Variants in FOXRED1 observed in about 807,000 individuals in gnomAD.
FOXRED1 encodes FAD-dependent oxidoreductase domain-containing protein 1.
Under a neutral mutation model 57.8 loss-of-function variants are expected in FOXRED1, and 52 were observed. The observed-to-expected ratio is 0.90, with a 90% CI of 0.72 to 1.13. FOXRED1 has a LOEUF of 1.13. Ranked by LOEUF, FOXRED1 falls within the 50% of genes most tolerant of loss-of-function variation. The pLI is 0.00. For missense variants in FOXRED1, 589 were observed against 625.2 expected (o/e 0.94, Z 0.62); for synonymous variants, 271 against 248.3 (o/e 1.09, Z -0.86).
rs1359196091 is a variant in FOXRED1, at chr11:126,271,424, C to T, written c.86-13C>T. ...GAAATGTTTGGCCCTCTGACCCTAA[C>T]TACATCCCACAGACTGGGATGGAAA... On this transcript the variant is annotated splice_polypyrimidine_tract_variant and intron_variant, in intron 1 of 10. Transcript: ENST00000263578. This position sits in a 1 kb window ranked among gnomAD's most constrained non-coding sequence, Gnocchi z 5.3. The T allele has an allele frequency of 1.3e-5, 20 of 1,595,272 alleles. No homozygotes were observed. Among genetic ancestry groups the T allele is most frequent in the Admixed American group, 1.7e-5 (1 of 59,982 alleles).
Position 126,272,008 on chromosome 11 carries a change from C to G in FOXRED1, c.306+351C>G. 3.1e-6 allele frequency: 1 copy of G among 326,130 alleles called. No individual in the cohort carries two copies. The highest frequency in any genetic ancestry group is 2.2e-5 in the African/African-American group (1 of 45,384). The allele number at this position is 326,130 out of a possible 1,614,324, so 20.2% of individuals were successfully genotyped here. On this transcript the variant is annotated intron_variant, in intron 2 of 10. Transcript: ENST00000263578. This position sits in a 1 kb window ranked among gnomAD's most constrained non-coding sequence, Gnocchi z 4.6. The stretch of plus-strand genomic sequence containing the variant: ...ACAGAGTCTTGCTCTGTCACCCAGG[C>G]TGGAGTGCAATGGCACAATCTCAGC...
chr11:126,270,242 T>C (rs1423482627), intron 1 of FOXRED1, among the ~76,000 whole-genome samples: 5 of 152,168 alleles, frequency 3.3e-5, no homozygotes, highest in African/African-American at 1.2e-4. Flanking sequence ...TGAAATGTAG[T>C]GTGGACAGGT....
Position 126,273,714 on chromosome 11 carries a change from A to G in FOXRED1, c.536+260A>G. 4 of 495,336 alleles carry G rather than the reference A, an allele frequency of 8.1e-6. No homozygotes were observed. Among genetic ancestry groups the G allele is most frequent in the Non-Finnish European group, 1.5e-5 (4 of 270,978 alleles). 30.7% of individuals were successfully genotyped at this position (495,336 alleles called of 1,614,324 possible). A position where few individuals can be genotyped will look rare whatever the true frequency, so the allele number is the denominator to read the frequency against. ...GAACACATCCCAGACCTAATAAACCAGAATCTCTAGGGAAGGAGCCCACAA... is the reference window on the plus strand; with the variant it reads ...GAACACATCCCAGACCTAATAAACCGGAATCTCTAGGGAAGGAGCCCACAA... On this transcript the variant is annotated intron_variant, in intron 4 of 10. Transcript: ENST00000263578. This position sits in a 1 kb window ranked among gnomAD's most constrained non-coding sequence, Gnocchi z 5.9.
Position 126,271,562 on chromosome 11 carries a change from G to T in FOXRED1, c.211G>T (p.Gly71Cys). ...GCACTCGGATGTGGTGATCGTGGGA[G>T]GTGGGGTGCTTGGCTTGTCTGTGGC... ...PEHSDVVIVG[G>C]GVLGLSVAYW... Residue 71 changes from glycine (G) to cysteine (C), a missense_variant, in exon 2 of 11, where the codon GGT becomes TGT. Coordinates refer to ENST00000263578, the MANE Select transcript of FOXRED1 (RefSeq NM_017547.4). This position sits in a 1 kb window ranked among gnomAD's most constrained non-coding sequence, Gnocchi z 5.3. The T allele has an allele frequency of 6.2e-7, 1 of 1,614,256 alleles. No individual in the cohort carries two copies. Among genetic ancestry groups the T allele is most frequent in the East Asian group, 2.2e-5 (1 of 44,888 alleles).
rs1413365318 is a variant in FOXRED1, at chr11:126,271,442, G to C, written c.91G>C (p.Asp31His). 3 of 1,612,702 alleles carry C rather than the reference G, an allele frequency of 1.9e-6. No individual in the cohort carries two copies. The highest frequency in any genetic ancestry group is 2.5e-6 in the Non-Finnish European group (3 of 1,178,858). The change falls in exon 2 of 11, where the codon GAT (aspartate) becomes CAT (histidine). Residue 31 changes from aspartate (D) to histidine (H), a missense_variant. Coordinates refer to ENST00000263578, the MANE Select transcript of FOXRED1 (RefSeq NM_017547.4). The surrounding 1 kb of genome is among the most constrained non-coding windows in gnomAD (Gnocchi z 5.3). Reference sequence around the variant, plus strand: ...ACCCTAACTACATCCCACAGACTGGGATGGAAAGGTGTCTGAGATTAAGAA... The same window carrying C: ...ACCCTAACTACATCCCACAGACTGGCATGGAAAGGTGTCTGAGATTAAGAA... ...TRRGGFSLDW[D>H]GKVSEIKKKI...
At chr11:126,276,757 T>G (rs1282166662) in intron 9 of FOXRED1, among the ~76,000 whole-genome samples, 1 of 151,514 alleles carries the variant, frequency 6.6e-6, no homozygotes, top group African/African-American at 2.4e-5. Flanking sequence ...GCGCCTGTAA[T>G]CCCAGCTACT....
At position 126,273,308 on chromosome 11, in the gene FOXRED1, T is replaced by G. The variant is rs878971256; in HGVS notation, c.418-28T>G. ...TCTTTCTGGCATCCTTAAGTCAGTT[T>G]CTTTCAGGAGCTTCTGTCTGCACAC... On this transcript the variant is annotated intron_variant, in intron 3 of 10. Coordinates refer to ENST00000263578, the MANE Select transcript of FOXRED1 (RefSeq NM_017547.4). The surrounding 1 kb of genome is among the most constrained non-coding windows in gnomAD (Gnocchi z 5.9). The G allele has an allele frequency of 1.3e-6, 2 of 1,536,550 alleles. No homozygotes were observed. The highest frequency in any genetic ancestry group is 2.2e-5 in the South Asian group (2 of 89,644).
At chr11:126,276,952 C>T (rs960801307) in intron 9 of FOXRED1, 119 bp from the exon 10 acceptor site, 7 of 756,194 alleles carry the variant, frequency 9.3e-6, no homozygotes, top group African/African-American at 1.7e-5. Context: ...AGAGCCCCCT[C>T]CAGATTTGAA....
In FOXRED1 at chr11:126,269,453, G is replaced by A. The variant is rs1183482899; in HGVS notation, c.85+162G>A. On this transcript the variant is annotated intron_variant, in intron 1 of 10. Coordinates refer to ENST00000263578, the MANE Select transcript of FOXRED1 (RefSeq NM_017547.4). ...ACCAGAGCTTGTAGGGGCTGTGCAG[G>A]TGTATGGCTCCCAAGGCGGCCCTTT... 4 of 1,391,532 alleles carry A rather than the reference G, an allele frequency of 2.9e-6. No homozygotes were observed. In the East Asian group the frequency reaches 7.5e-5, roughly 26 times the overall value. The allele number at this position is 1,391,532 out of a possible 1,614,324, so 86.2% of individuals were successfully genotyped here.
Position 126,277,512 on chromosome 11 carries a change from T to A in FOXRED1, c.1284T>A (p.Val428=). ...GCGTGGTGGGCCCCCACCCGCTAGTTGTCAACATGTACTTTGCTACTGGCT... is the reference window on the plus strand; with the variant it reads ...GCGTGGTGGGCCCCCACCCGCTAGTAGTCAACATGTACTTTGCTACTGGCT... ...QNGVVGPHPL[V]VNMYFATGFS... is the part of the protein sequence containing the mutation. Residue 428 remains valine, a synonymous_variant, in exon 11 of 11, where the codon GTT becomes GTA. Transcript: ENST00000263578. The surrounding 1 kb of genome is among the most constrained non-coding windows in gnomAD (Gnocchi z 6.8). 6.2e-7 allele frequency: 1 copy of A among 1,613,664 alleles called. No homozygotes were observed. The highest frequency in any genetic ancestry group is 8.5e-7 in the Non-Finnish European group (1 of 1,180,012).
At position 126,273,337 on chromosome 11, in the gene FOXRED1, A is replaced by G. The variant is rs1162647339; in HGVS notation, c.419A>G (p.Glu140Gly). ...FSASFLRNIN[E>G]YLAVVDAPPL... ...TCAGGAGCTTCTGTCTGCACACAGG[A>G]GTACCTGGCCGTAGTCGATGCTCCT... Residue 140 changes from glutamate to glycine, a missense_variant and splice_region_variant, in exon 4 of 11, where the codon GAG becomes GGG. Transcript: ENST00000263578. The surrounding 1 kb of genome is among the most constrained non-coding windows in gnomAD (Gnocchi z 5.9). 4 of 1,606,836 alleles carry G rather than the reference A, an allele frequency of 2.5e-6. No individual in the cohort carries two copies. The highest frequency in any genetic ancestry group is 4.5e-5 in the East Asian group (2 of 44,848).
chr11:126,272,211 C>G lies in FOXRED1; in HGVS notation c.306+554C>G, dbSNP rs1014158928. Among the ~76,000 whole-genome samples, 6 of 152,216 alleles carry G rather than the reference C, an allele frequency of 3.9e-5. No homozygotes were observed. Among genetic ancestry groups the G allele is most frequent in the African/African-American group, 7.2e-5 (3 of 41,450 alleles). ...TCCGAACCTCAAGTGATCTGCCCGC[C>G]TTGGCTTCTCAAAGTGCTGGGATTA... is the stretch of plus-strand genomic sequence containing the variant. On this transcript the variant is annotated intron_variant, in intron 2 of 10. Transcript: ENST00000263578. This position sits in a 1 kb window ranked among gnomAD's most constrained non-coding sequence, Gnocchi z 4.6.
chr11:126,273,608 T>C lies in FOXRED1; in HGVS notation c.536+154T>C, dbSNP rs1490692753. 1 of 693,086 alleles carries C rather than the reference T, an allele frequency of 1.4e-6. No homozygotes were observed. 42.9% of individuals were successfully genotyped at this position (693,086 alleles called of 1,614,324 possible). A position where few individuals can be genotyped will look rare whatever the true frequency, so the allele number is the denominator to read the frequency against. On this transcript the variant is annotated intron_variant, in intron 4 of 10. Transcript: ENST00000263578. This position sits in a 1 kb window ranked among gnomAD's most constrained non-coding sequence, Gnocchi z 5.9. ...AGGAAGAAAATACACAGACCTGCAA[T>C]GCCCTGGGAGTGCTGTACCACAGAT... is the stretch of plus-strand genomic sequence containing the variant.
chr11:126,272,085 C>T lies in FOXRED1; in HGVS notation c.306+428C>T, dbSNP rs942654989. Among the ~76,000 whole-genome samples, 1 of 151,952 alleles carries T rather than the reference C, an allele frequency of 6.6e-6. No individual in the cohort carries two copies. The highest frequency in any genetic ancestry group is 2.4e-5 in the African/African-American group (1 of 41,340). On this transcript the variant is annotated intron_variant, in intron 2 of 10. Coordinates refer to ENST00000263578, the MANE Select transcript of FOXRED1 (RefSeq NM_017547.4). The surrounding 1 kb of genome is among the most constrained non-coding windows in gnomAD (Gnocchi z 4.6). ...CAAGTGATTATCCCACCTCCGCCCCCTGAGTAGCTGAGATTACAGGGACAC... is the reference window on the plus strand; with the variant it reads ...CAAGTGATTATCCCACCTCCGCCCCTTGAGTAGCTGAGATTACAGGGACAC...
Position 126,271,743 on chromosome 11 carries a change from G to C in FOXRED1, c.306+86G>C. 3 of 1,109,808 alleles carry C rather than the reference G, an allele frequency of 2.7e-6. No individual in the cohort carries two copies. The South Asian group carries it at 3.8e-5, about 14-fold the overall frequency. The allele number at this position is 1,109,808 out of a possible 1,614,324, so 68.7% of individuals were successfully genotyped here. Reference sequence around the variant, plus strand: ...GGACTCTAGCGACAAGGGAAGGAGAGGAGGGGAAGACCTCAATCTCGGAGG... The same window carrying C: ...GGACTCTAGCGACAAGGGAAGGAGACGAGGGGAAGACCTCAATCTCGGAGG... On this transcript the variant is annotated intron_variant, in intron 2 of 10. Transcript: ENST00000263578. This position sits in a 1 kb window ranked among gnomAD's most constrained non-coding sequence, Gnocchi z 5.3.
Position 126,277,959 on chromosome 11 carries a change from C to G in FOXRED1, c.*270C>G. The G allele has an allele frequency of 1.6e-6, 1 of 637,852 alleles. No individual in the cohort carries two copies. Among genetic ancestry groups the G allele is most frequent in the Non-Finnish European group, 2.9e-6 (1 of 345,056 alleles). 39.5% of individuals were successfully genotyped at this position (637,852 alleles called of 1,614,324 possible). A position where few individuals can be genotyped will look rare whatever the true frequency, so the allele number is the denominator to read the frequency against. ...GCAATCCATCTGGAGGCCTGAGCAC[C>G]CTGGCCCAGGACTGGCTTCATCCTG... On this transcript the variant is annotated 3_prime_UTR_variant, in exon 11 of 11. Transcript: ENST00000263578. This position sits in a 1 kb window ranked among gnomAD's most constrained non-coding sequence, Gnocchi z 6.8.
In FOXRED1 at chr11:126,276,474, G is replaced by T. The variant is rs377464580; in HGVS notation, c.1052G>T (p.Arg351Leu). 1.1e-5 allele frequency: 18 copies of T among 1,608,666 alleles called. No homozygotes were observed. The highest frequency in any genetic ancestry group is 1.5e-5 in the Non-Finnish European group (18 of 1,177,614). ...GCAGACACCAGTGGAGCCTATTTTC[G>T]CCGGGAAGGATTAGGTAGCAACTAC... ...LVADTSGAYF[R>L]REGLGSNYLG... The change falls in exon 9 of 11, where the codon CGC becomes CTC. Residue 351 changes from arginine (R) to leucine (L), a missense_variant. Arg to Leu is a moderately radical substitution (Grantham distance 102, BLOSUM62 -2). Coordinates refer to ENST00000263578, the MANE Select transcript of FOXRED1 (RefSeq NM_017547.4).
intron 1 of FOXRED1, among the ~76,000 whole-genome samples, chr11:126,270,646 A>G (rs1950960444): frequency 6.6e-6 from 1 of 152,196 alleles, no homozygotes; most frequent in Non-Finnish European, 1.5e-5. Flanking sequence ...AGGGGAGGAT[A>G]AGATGAACAG....
chr11:126,272,209 G>A lies in FOXRED1; in HGVS notation c.306+552G>A, dbSNP rs1157828814. On this transcript the variant is annotated intron_variant, in intron 2 of 10. Transcript: ENST00000263578. This position sits in a 1 kb window ranked among gnomAD's most constrained non-coding sequence, Gnocchi z 4.6. ...ACTCCGAACCTCAAGTGATCTGCCC[G>A]CCTTGGCTTCTCAAAGTGCTGGGAT... is the stretch of plus-strand genomic sequence containing the variant. 1.3e-5 allele frequency among the ~76,000 whole-genome samples: 2 copies of A among 152,110 alleles called. No homozygotes were observed. Among genetic ancestry groups the A allele is most frequent in the African/African-American group, 2.4e-5 (1 of 41,418 alleles).
Sources: allele counts gnomAD v4.1 joint callset (sites outside exome capture counted in the v4.1 genomes callset), GRCh38; gene constraint gnomAD v4.1.1; non-coding constraint Gnocchi (gnomAD v3.1); transcripts MANE v1.5; gene names NCBI Gene and HGNC (gene_info 2026-07-23, HGNC 2026-07-21).